PIP4K2A: variants seen among roughly 807,000 people sequenced by gnomAD.
The protein encoded by PIP4K2A is phosphatidylinositol 5-phosphate 4-kinase type-2 alpha.
PIP4K2A carries 14 observed loss-of-function variants against 42.9 expected under a neutral mutation model. That is an observed-to-expected ratio of 0.33 (90% CI 0.22 to 0.51). PIP4K2A has a LOEUF of 0.51. PIP4K2A is among the 20% of genes least tolerant of loss of function. The pLI, the probability that PIP4K2A is intolerant of heterozygous loss-of-function variation, is 0.97. For synonymous variants in PIP4K2A, 192 were observed against 192.2 expected, an observed-to-expected ratio of 1.00 and a Z score of 0.01; for missense variants, 434 against 519.8, an observed-to-expected ratio of 0.83 and a Z score of 1.61.
intron 7 of PIP4K2A, among the ~76,000 whole-genome samples, chr10:22,549,766 G>C (rs1053386730): frequency 1.4e-5 from 2 of 144,010 alleles, no homozygotes; most frequent in South Asian, 4.6e-4. Flanking sequence ...GCGTGAACCT[G>C]GGAGGCAGAG....
At chr10:22,580,123 C>T (rs566719165) in intron 4 of PIP4K2A, among the ~76,000 whole-genome samples, 2 of 151,790 alleles carry the variant, frequency 1.3e-5, no homozygotes, top group Non-Finnish European at 2.9e-5. Flanking sequence ...CTCAGAGACA[C>T]GGGTTGTATC....
intron 1 of PIP4K2A, among the ~76,000 whole-genome samples, chr10:22,653,812 T>C (rs146485019): frequency 0.016 from 2,508 of 152,276 alleles, 71 homozygotes; most frequent in African/African-American, 0.057. Flanking sequence ...AGGCGGAGGT[T>C]GCAGTGAGCC....
chr10:22,658,521 T>A (rs1388291646), intron 1 of PIP4K2A, among the ~76,000 whole-genome samples: 1 of 152,202 alleles, frequency 6.6e-6, no homozygotes, highest in Admixed American at 6.5e-5. Context: ...AGGCTTAAAC[T>A]ACCAAACATT....
intron 1 of PIP4K2A, among the ~76,000 whole-genome samples, chr10:22,703,850 G>A (rs981934032): frequency 6.6e-6 from 1 of 152,138 alleles, no homozygotes; most frequent in African/African-American, 2.4e-5. Flanking sequence ...ATTGGATGTG[G>A]AGAAGGAGTG....
At chr10:22,604,688 C>T (rs562928712) in intron 3 of PIP4K2A, among the ~76,000 whole-genome samples, 12 of 152,218 alleles carry the variant, frequency 7.9e-5, no homozygotes, top group East Asian at 1.9e-4. Flanking sequence ...TTCCGATATA[C>T]GCAGTCTTCA....
chr10:22,676,904 T>A (rs1839570289), intron 1 of PIP4K2A, among the ~76,000 whole-genome samples: 1 of 152,164 alleles, frequency 6.6e-6, no homozygotes, highest in Non-Finnish European at 1.5e-5. Flanking sequence ...TACTGGGAGA[T>A]GCTGTTTTGC....
At chr10:22,670,465 G>A (rs2130858429) in intron 1 of PIP4K2A, among the ~76,000 whole-genome samples, 1 of 152,238 alleles carries the variant, frequency 6.6e-6, no homozygotes, top group Middle Eastern at 3.4e-3. Context: ...TTCCTTCTAT[G>A]GGGTGTTCAC....
At chr10:22,543,548 C>G (rs1158437040) in intron 7 of PIP4K2A, among the ~76,000 whole-genome samples, 1 of 152,192 alleles carries the variant, frequency 6.6e-6, no homozygotes, top group African/African-American at 2.4e-5. Flanking sequence ...GCTCATCCCC[C>G]CTGGTCTTTC....
chr10:22,626,254 G>C (rs760727660), intron 1 of PIP4K2A, among the ~76,000 whole-genome samples: 1 of 150,242 alleles, frequency 6.7e-6, no homozygotes, highest in African/African-American at 2.5e-5. Flanking sequence ...AATATATTCT[G>C]CTTAAAAAAA....
intron 1 of PIP4K2A, among the ~76,000 whole-genome samples, chr10:22,629,630 G>A (rs1247341276): frequency 6.6e-6 from 1 of 152,134 alleles, no homozygotes; most frequent in East Asian, 1.9e-4. Context: ...CACTGAGGAG[G>A]TAGAGCTAAC....
intron 1 of PIP4K2A, among the ~76,000 whole-genome samples, chr10:22,652,112 C>A (rs1358672812): frequency 6.8e-6 from 1 of 147,996 alleles, no homozygotes; most frequent in African/African-American, 2.5e-5. Context: ...AACTGAAAAA[C>A]TGCACACAAA....
At chr10:22,577,608 C>A (rs965862481) in intron 4 of PIP4K2A, among the ~76,000 whole-genome samples, 3 of 152,200 alleles carry the variant, frequency 2.0e-5, no homozygotes, top group Admixed American at 2.0e-4. Flanking sequence ...CCTTATGAAT[C>A]ACCCAGCCTC....
intron 1 of PIP4K2A, among the ~76,000 whole-genome samples, chr10:22,610,242 C>A (rs1202283684): frequency 2.0e-5 from 3 of 152,122 alleles, no homozygotes; most frequent in Non-Finnish European, 4.4e-5. Context: ...AAAGAAGAAC[C>A]TCCATTCAGG....
chr10:22,536,029 T>C lies in PIP4K2A; in HGVS notation c.*1172A>G, dbSNP rs994368267. 7.5e-6 allele frequency: 3 copies of C among 398,264 alleles called. No homozygotes were observed. The highest frequency in any genetic ancestry group is 6.2e-5 in the African/African-American group (3 of 48,638). The allele number at this position is 398,264 out of a possible 1,614,324, so 24.7% of individuals were successfully genotyped here. A position where few individuals can be genotyped will look rare whatever the true frequency, so the allele number is the denominator to read the frequency against. Reference sequence around the variant, plus strand: ...TTCACCTATACTGTGACTTTACATGTAAACTTCAAAAATCACATGCTGTAC... The same window carrying C: ...TTCACCTATACTGTGACTTTACATGCAAACTTCAAAAATCACATGCTGTAC... On this transcript the variant is annotated 3_prime_UTR_variant, in exon 10 of 10. Transcript: ENST00000376573.
rs558324055 is a variant in PIP4K2A, at chr10:22,617,781, G to A, written c.145-8064C>T. Among the ~76,000 whole-genome samples, 11 of 152,174 alleles carry A rather than the reference G, an allele frequency of 7.2e-5. No individual in the cohort carries two copies. The East Asian group carries it at 1.7e-3, about 24-fold the overall frequency. On this transcript the variant is annotated intron_variant, in intron 1 of 9. Transcript: ENST00000376573. ...AGCATGGGGGAAGACAGGAGATGTC[G>A]AGAGTGGGTTGGGAATTATCTTGAA...
At chr10:22,596,610 G>A (rs1564435906) in intron 3 of PIP4K2A, among the ~76,000 whole-genome samples, 1 of 152,250 alleles carries the variant, frequency 6.6e-6, no homozygotes, top group Non-Finnish European at 1.5e-5. Context: ...CATGATGTTG[G>A]ATGCTTGGAC....
At chr10:22,703,447 C>A (rs1833754520) in intron 1 of PIP4K2A, among the ~76,000 whole-genome samples, 2 of 151,994 alleles carry the variant, frequency 1.3e-5, no homozygotes. Flanking sequence ...GAAAAACATT[C>A]CCGACGAAGA....
Position 22,591,609 on chromosome 10 carries a change from T to C in PIP4K2A, c.492+20A>G. ...ATGTTAATCTTCTTGGAGTTTCAAA[T>C]AAAGATCAAGAAAAATTACCTGGTG... On this transcript the variant is annotated intron_variant, in intron 4 of 9. Coordinates refer to ENST00000376573, the MANE Select transcript of PIP4K2A (RefSeq NM_005028.5). 6.3e-7 allele frequency: 1 copy of C among 1,584,492 alleles called. No homozygotes were observed. Among genetic ancestry groups the C allele is most frequent in the Non-Finnish European group, 8.6e-7 (1 of 1,160,436 alleles).
At chr10:22,572,483 T>C (rs971073517) in intron 5 of PIP4K2A, among the ~76,000 whole-genome samples, 1 of 152,022 alleles carries the variant, frequency 6.6e-6, no homozygotes, top group Non-Finnish European at 1.5e-5. Flanking sequence ...CTGAGCATGG[T>C]GGTGCGTGCC....
Sources: allele counts gnomAD v4.1 joint callset (sites outside exome capture counted in the v4.1 genomes callset), GRCh38; gene constraint gnomAD v4.1.1; transcripts MANE v1.5; gene names NCBI Gene and HGNC (gene_info 2026-07-23, HGNC 2026-07-21).